RASGRF2: variants seen among roughly 807,000 people sequenced by gnomAD.
RASGRF2 encodes ras-specific guanine nucleotide-releasing factor 2.
A neutral mutation model predicts 151.0 loss-of-function variants in RASGRF2; 76 were observed. The ratio of observed to expected loss-of-function variants is 0.50; its 90% CI spans 0.42 to 0.61. The LOEUF (loss-of-function observed/expected upper bound fraction) is 0.61, where lower values mean the gene tolerates loss of function less well. RASGRF2 is among the 20% of genes least tolerant of loss of function. The probability of loss-of-function intolerance (pLI) is 0.00; values close to 1 mark genes in which losing one functional copy is unlikely to be tolerated. For missense variants in RASGRF2, 1,148 were observed against 1,564.6 expected (o/e 0.73, Z 4.49); for synonymous variants, 504 against 566.5 (o/e 0.89, Z 1.57).
intron 2 of RASGRF2, among the ~76,000 whole-genome samples, chr5:81,048,515 A>G (rs1192845800): frequency 6.6e-6 from 1 of 152,174 alleles, no homozygotes; most frequent in Admixed American, 6.5e-5. Context: ...CTTTGTTAAT[A>G]CTTTCGTCAG....
Position 81,094,282 on chromosome 5 carries a change from T to C in RASGRF2, c.1552-14T>C, listed in dbSNP as rs1345654151. 7.5e-6 allele frequency: 12 copies of C among 1,610,506 alleles called. No individual in the cohort carries two copies. Among genetic ancestry groups the C allele is most frequent in the Non-Finnish European group, 1.0e-5 (12 of 1,177,734 alleles). On this transcript the variant is annotated splice_polypyrimidine_tract_variant and intron_variant, in intron 10 of 26. Coordinates refer to ENST00000265080, the MANE Select transcript of RASGRF2 (RefSeq NM_006909.3). The stretch of plus-strand genomic sequence containing the variant: ...GACCTTCAGCGTCTTAGTGAAAAAT[T>C]GGTTTGTTTCCAGACAGGTGGGGTT...
At chr5:81,123,842 A>C (rs1417176182) in intron 16 of RASGRF2, 75 bp downstream of exon 16, 2 of 1,460,082 alleles carry the variant, frequency 1.4e-6, no homozygotes, top group Admixed American at 2.3e-5. Context: ...CCTTTGCCTA[A>C]TTGTTTCACT....
chr5:81,027,090 G>T (rs1398178108), intron 1 of RASGRF2, among the ~76,000 whole-genome samples: 11 of 151,976 alleles, frequency 7.2e-5, no homozygotes, highest in Admixed American at 7.2e-4. Flanking sequence ...CAATCCAGTG[G>T]TTTTCAGTAT....
chr5:81,158,840 C>T (rs13158278), intron 17 of RASGRF2, among the ~76,000 whole-genome samples: 12 of 152,242 alleles, frequency 7.9e-5, no homozygotes, highest in South Asian at 2.1e-4. Flanking sequence ...CTGGTGGGAA[C>T]GTAAAATGGT....
chr5:81,092,600 A>G (rs1752421249), intron 9 of RASGRF2, among the ~76,000 whole-genome samples: 1 of 152,218 alleles, frequency 6.6e-6, no homozygotes, highest in Non-Finnish European at 1.5e-5. Flanking sequence ...TCACAAAAAT[A>G]TTAGGAACAG....
rs370120581 is a variant in RASGRF2, at chr5:81,080,814, T to C, written c.1161+25T>C. The stretch of plus-strand genomic sequence containing the variant: ...GGTAAGTCACTTGGGATGCATTTTG[T>C]AAGTCAGAGTTTCCAGCTCAATGTC... On this transcript the variant is annotated intron_variant, in intron 7 of 26. Transcript: ENST00000265080. 7.5e-6 allele frequency: 12 copies of C among 1,600,402 alleles called. No individual in the cohort carries two copies. In the African/African-American group the frequency reaches 1.5e-4, roughly 20 times the overall value.
At chr5:81,123,232 T>C (rs1257385477) in intron 15 of RASGRF2, among the ~76,000 whole-genome samples, 3 of 152,140 alleles carry the variant, frequency 2.0e-5, no homozygotes, top group Non-Finnish European at 4.4e-5. Context: ...AAACTTTGGT[T>C]GGTTTAGGGG....
chr5:81,161,789 TC>T (rs1259045204), intron 17 of RASGRF2, among the ~76,000 whole-genome samples: 1 of 152,146 alleles, frequency 6.6e-6, no homozygotes, highest in African/African-American at 2.4e-5. Flanking sequence ...CTTGTTAAAA[TC>T]CTCATAATGA....
intron 2 of RASGRF2, among the ~76,000 whole-genome samples, chr5:81,063,714 G>A (rs1466988109): frequency 1.3e-5 from 2 of 151,806 alleles, no homozygotes; most frequent in African/African-American, 4.8e-5. Flanking sequence ...TGACCTCTCT[G>A]ACCACCCAGC....
intron 17 of RASGRF2, among the ~76,000 whole-genome samples, chr5:81,172,151 A>T (rs1445096643): frequency 1.3e-5 from 2 of 152,176 alleles, no homozygotes; most frequent in Admixed American, 1.3e-4. Flanking sequence ...CTCATCTATA[A>T]AAACAAGGAA....
At chr5:81,190,618 T>G (rs1012099412) in intron 18 of RASGRF2, among the ~76,000 whole-genome samples, 15 of 152,236 alleles carry the variant, frequency 9.9e-5, no homozygotes, top group African/African-American at 3.6e-4. Flanking sequence ...AGATAGATTT[T>G]TATTCTTTTT....
chr5:81,219,108 G>A (rs1374528471), intron 25 of RASGRF2, among the ~76,000 whole-genome samples: 1 of 144,278 alleles, frequency 6.9e-6, no homozygotes, highest in Non-Finnish European at 1.5e-5. Context: ...ACACAGTTCT[G>A]TTGCCCAGGC....
At chr5:81,124,850 A>C (rs1390612778) in intron 16 of RASGRF2, among the ~76,000 whole-genome samples, 1 of 152,156 alleles carries the variant, frequency 6.6e-6, no homozygotes, top group Non-Finnish European at 1.5e-5. Context: ...TTACACAATT[A>C]TGAAACCGGA....
At chr5:81,018,215 A>G (rs1413212641) in intron 1 of RASGRF2, among the ~76,000 whole-genome samples, 1 of 152,196 alleles carries the variant, frequency 6.6e-6, no homozygotes, top group African/African-American at 2.4e-5. Context: ...TGGGATAGGT[A>G]GAGAAACCCC....
chr5:81,102,468 G>T (rs1475194930), intron 12 of RASGRF2, among the ~76,000 whole-genome samples: 1 of 152,200 alleles, frequency 6.6e-6, no homozygotes, highest in Admixed American at 6.5e-5. Context: ...GCCAAGGCGG[G>T]TGGATCACTT....
At chr5:81,183,712 C>G (rs1754966185) in intron 18 of RASGRF2, among the ~76,000 whole-genome samples, 1 of 152,194 alleles carries the variant, frequency 6.6e-6, no homozygotes, top group Non-Finnish European at 1.5e-5. Flanking sequence ...AGCCCAGAGT[C>G]AGGGGACCAG....
At chr5:81,136,140 A>G (rs578164857) in intron 17 of RASGRF2, among the ~76,000 whole-genome samples, 1 of 152,288 alleles carries the variant, frequency 6.6e-6, no homozygotes, top group Non-Finnish European at 1.5e-5. Context: ...CAGCCTCCCG[A>G]CTATTATTAC....
chr5:80,964,205 C>A (rs1458755347), intron 1 of RASGRF2, among the ~76,000 whole-genome samples: 1 of 152,012 alleles, frequency 6.6e-6, no homozygotes, highest in Non-Finnish European at 1.5e-5. Context: ...TTTGGGATAG[C>A]AATGGTGATA....
At chr5:81,102,802 G>C (rs1752733512) in intron 12 of RASGRF2, among the ~76,000 whole-genome samples, 1 of 151,916 alleles carries the variant, frequency 6.6e-6, no homozygotes, top group African/African-American at 2.4e-5. Context: ...AATAACTTTT[G>C]AGTGTTGAAA....
Sources: gnomAD v4.1 joint callset for allele counts (sites outside exome capture counted in the v4.1 genomes callset) on GRCh38, gnomAD v4.1.1 for gene constraint, MANE v1.5 for transcripts, NCBI Gene and HGNC (gene_info 2026-07-23, HGNC 2026-07-21) for gene names.